ERN1: variants seen among roughly 807,000 people sequenced by gnomAD.
The protein encoded by ERN1 is endoplasmic reticulum to nucleus signaling 1.
A neutral mutation model predicts 113.1 loss-of-function variants in ERN1; 39 were observed. That is an observed-to-expected ratio of 0.34 (90% CI 0.27 to 0.45). The LOEUF is 0.45. Among genes scored for constraint, ERN1 ranks in the 20% least tolerant of loss-of-function variants. ERN1 has a pLI of 1.00. For synonymous variants in ERN1, 507 were observed against 515.9 expected, an observed-to-expected ratio of 0.98 and a Z score of 0.23; for missense variants, 976 against 1,274.8, an observed-to-expected ratio of 0.77 and a Z score of 3.57.
chr17:64,102,867 T>C (rs1914424761), intron 1 of ERN1: 2 of 985,346 alleles, frequency 2.0e-6, no homozygotes, highest in South Asian at 4.7e-5. Flanking sequence ...CATTTGAAAT[T>C]TGATTCAGTT....
chr17:64,061,582 T>C (rs1913055366), intron 10 of ERN1, among the ~76,000 whole-genome samples: 1 of 152,230 alleles, frequency 6.6e-6, no homozygotes, highest in Non-Finnish European at 1.5e-5. Context: ...ATCTACAACA[T>C]AATATCATTC....
At chr17:64,129,875 G>A (rs1598097676) in intron 1 of ERN1, 101 bp downstream of exon 1, 1 of 1,137,416 alleles carries the variant, frequency 8.8e-7, no homozygotes, top group Non-Finnish European at 1.1e-6. Context: ...CGCCGCCGTC[G>A]CGCTCCCAGC....
At chr17:64,056,645 C>T (rs574029537) in intron 12 of ERN1, among the ~76,000 whole-genome samples, 3 of 152,190 alleles carry the variant, frequency 2.0e-5, no homozygotes, top group African/African-American at 7.2e-5. Flanking sequence ...TACCCATGTG[C>T]AGGAGGTGGA....
At position 64,054,748 on chromosome 17, in the gene ERN1, T is replaced by A; in HGVS notation, c.1753A>T (p.Ile585Phe). The A allele has an allele frequency of 6.2e-7, 1 of 1,607,168 alleles. No individual in the cohort carries two copies. The highest frequency in any genetic ancestry group is 8.5e-7 in the Non-Finnish European group (1 of 1,177,210). Reference protein sequence around the residue: ...DVLGHGAEGTIVYRGMFDNRD... With the variant: ...DVLGHGAEGTFVYRGMFDNRD... ...GGCTAATCCACTCACCGGTACACAA[T>A]TGTGCCCTCAGCTCCATGGCCCAGG... Residue 585 changes from isoleucine (I) to phenylalanine (F), a missense_variant, in exon 14 of 22, where the codon ATT (isoleucine) becomes TTT (phenylalanine). Physicochemically the swap from Ile to Phe is conservative, Grantham distance 21 (BLOSUM62 0). Coordinates refer to ENST00000433197, the MANE Select transcript of ERN1 (RefSeq NM_001433.5). This position sits in a 1 kb window ranked among gnomAD's most constrained non-coding sequence, Gnocchi z 4.9.
At chr17:64,066,640 C>T (rs1381850505) in intron 8 of ERN1, 31 bp downstream of exon 8, 2 of 1,610,150 alleles carry the variant, frequency 1.2e-6, no homozygotes, top group African/African-American at 1.3e-5. Flanking sequence ...AGGCCACGGC[C>T]GCCCTCTCCT....
Position 64,060,523 on chromosome 17 carries a change from G to T in ERN1, c.1152C>A (p.Pro384=). 6.2e-7 allele frequency: 1 copy of T among 1,613,930 alleles called. No individual in the cohort carries two copies. Among genetic ancestry groups the T allele is most frequent in the Non-Finnish European group, 8.5e-7 (1 of 1,179,820 alleles). Residue 384 remains proline (P), a synonymous_variant, in exon 11 of 22, where the codon CCC becomes CCA. Transcript: ENST00000433197. The part of the protein sequence containing the change: ...KMLERFPNNL[P]KHRENVIPAD... ...CAGGAATCACATTTTCCCGATGTTT[G>T]GGTAGATTGTTGGGAAATCTCTCCA... is the stretch of plus-strand genomic sequence containing the variant.
intron 2 of ERN1, among the ~76,000 whole-genome samples, chr17:64,092,540 G>A (rs769448758): frequency 3.3e-5 from 5 of 152,040 alleles, no homozygotes; most frequent in Non-Finnish European, 2.9e-5. Flanking sequence ...GGACATCTCC[G>A]GAGTCTGGGC....
At chr17:64,121,107 T>C (rs536899291) in intron 1 of ERN1, among the ~76,000 whole-genome samples, 84 of 152,234 alleles carry the variant, frequency 5.5e-4, no homozygotes, top group African/African-American at 1.9e-3. Context: ...CTTCCCTCAT[T>C]AGTCTCCTCT....
At chr17:64,108,825 A>G (rs1914598202) in intron 1 of ERN1, among the ~76,000 whole-genome samples, 2 of 152,156 alleles carry the variant, frequency 1.3e-5, no homozygotes, top group African/African-American at 4.8e-5. Context: ...AGTTAAACCT[A>G]CTATTAAGAA....
In ERN1 at chr17:64,098,000, CTTCT is replaced by C. The variant is rs1355074137; in HGVS notation, c.175+117_175+120del. ...TGCCTTTTCCTCTCTTGATCCCATT[CTTCT>C]TTATTTCTTATTTATTTTATTAGAT... On this transcript the variant is annotated intron_variant, in intron 2 of 21. Coordinates refer to ENST00000433197, the MANE Select transcript of ERN1 (RefSeq NM_001433.5). 160 of 1,309,064 alleles carry C rather than the reference CTTCT, an allele frequency of 1.2e-4. 1 individual carries two copies. In the East Asian group the frequency reaches 3.8e-3, roughly 31 times the overall value. 81.1% of individuals were successfully genotyped at this position (1,309,064 alleles called of 1,614,324 possible).
chr17:64,054,042 C>A lies in ERN1; in HGVS notation c.1953+208G>T. 2.0e-6 allele frequency: 1 copy of A among 491,984 alleles called. No homozygotes were observed. Among genetic ancestry groups the A allele is most frequent in the Non-Finnish European group, 3.7e-6 (1 of 273,944 alleles). 30.5% of individuals were successfully genotyped at this position (491,984 alleles called of 1,614,324 possible). On this transcript the variant is annotated intron_variant, in intron 15 of 21. Transcript: ENST00000433197. This position sits in a 1 kb window ranked among gnomAD's most constrained non-coding sequence, Gnocchi z 4.9. The stretch of plus-strand genomic sequence containing the variant: ...GCAGCCTTGATCTCCCAGGCTCAAG[C>A]AATCTTCCCACCTCAGCCTCCCAAG...
At chr17:64,098,860 T>G (rs1028814924) in intron 1 of ERN1, among the ~76,000 whole-genome samples, 5 of 152,046 alleles carry the variant, frequency 3.3e-5, no homozygotes, top group African/African-American at 4.8e-5. Context: ...TCAACAAACT[T>G]AAAACAAAAC....
intron 5 of ERN1, 85 bp downstream of exon 5, chr17:64,075,090 G>A: frequency 8.9e-7 from 1 of 1,120,372 alleles, no homozygotes; most frequent in Middle Eastern, 2.0e-4. Flanking sequence ...GGCGGTGACT[G>A]CGCCCTCTCT....
At position 64,045,036 on chromosome 17, in the gene ERN1, G is replaced by A. The variant is rs140621978; in HGVS notation, c.2654-109C>T. 5.3e-5 allele frequency: 45 copies of A among 843,890 alleles called. No homozygotes were observed. In the African/African-American group the frequency reaches 6.5e-4, roughly 12 times the overall value. 52.3% of individuals were successfully genotyped at this position (843,890 alleles called of 1,614,324 possible). A position where few individuals can be genotyped will look rare whatever the true frequency, so the allele number is the denominator to read the frequency against. On this transcript the variant is annotated intron_variant, in intron 20 of 21. Coordinates refer to ENST00000433197, the MANE Select transcript of ERN1 (RefSeq NM_001433.5). ...ATTAGGGAGTTGGACTGAAAGGTGA[G>A]GTCACTCCACACCTAGGCATGGGAG... is the stretch of plus-strand genomic sequence containing the variant.
chr17:64,099,565 C>T (rs1914326686), intron 1 of ERN1, among the ~76,000 whole-genome samples: 1 of 151,888 alleles, frequency 6.6e-6, no homozygotes, highest in Non-Finnish European at 1.5e-5. Context: ...GCTTATACTG[C>T]AACAGTTTGA....
At chr17:64,108,619 T>C (rs1197100195) in intron 1 of ERN1, among the ~76,000 whole-genome samples, 1 of 152,160 alleles carries the variant, frequency 6.6e-6, no homozygotes, top group Non-Finnish European at 1.5e-5. Flanking sequence ...TCTATTTTGT[T>C]GTCTTTGCTA....
chr17:64,122,045 T>G (rs1319597778), intron 1 of ERN1, among the ~76,000 whole-genome samples: 13 of 152,212 alleles, frequency 8.5e-5, no homozygotes, highest in African/African-American at 3.1e-4. Context: ...CATGGCCACA[T>G]AGTTTGGTCA....
Position 64,054,626 on chromosome 17 carries a change from G to C in ERN1, c.1763+112C>G. 1 of 1,010,912 alleles carries C rather than the reference G, an allele frequency of 9.9e-7. No homozygotes were observed. The highest frequency in any genetic ancestry group is 2.6e-5 in the East Asian group (1 of 38,346). 62.6% of individuals were successfully genotyped at this position (1,010,912 alleles called of 1,614,324 possible). ...GCTCCCTGGAGGCCGGACTCCATGC[G>C]TCTAGGTCACTGCTTTGACCCTGCT... On this transcript the variant is annotated intron_variant, in intron 14 of 21. Transcript: ENST00000433197. The surrounding 1 kb of genome is among the most constrained non-coding windows in gnomAD (Gnocchi z 4.9).
Position 64,063,526 on chromosome 17 carries a change from T to C in ERN1, c.1087+460A>G, listed in dbSNP as rs1326032830. Among the ~76,000 whole-genome samples the C allele has an allele frequency of 6.6e-6, 1 of 152,106 alleles. No homozygotes were observed. The highest frequency in any genetic ancestry group is 2.4e-5 in the African/African-American group (1 of 41,412). ...CCCTGACTCTGCTGCTCTCAATCCA[T>C]CCTGGGATTTAATCCCTCCCGGGTC... On this transcript the variant is annotated intron_variant, in intron 10 of 21. Coordinates refer to ENST00000433197, the MANE Select transcript of ERN1 (RefSeq NM_001433.5). This position sits in a 1 kb window ranked among gnomAD's most constrained non-coding sequence, Gnocchi z 5.1.
Sources: gnomAD v4.1 joint callset for allele counts (sites outside exome capture counted in the v4.1 genomes callset) on GRCh38, gnomAD v4.1.1 for gene constraint, Gnocchi (gnomAD v3.1) non-coding constraint, MANE v1.5 for transcripts, NCBI Gene and HGNC (gene_info 2026-07-23, HGNC 2026-07-21) for gene names.